The following MERTK variants were observed in gnomAD, a reference collection of about 807,000 sequenced individuals.
MERTK encodes the protein tyrosine-protein kinase Mer.
In MERTK, 69 loss-of-function variants were observed where a neutral mutation model predicts 99.3. The observed-to-expected ratio is 0.70, with a 90% CI of 0.57 to 0.85. MERTK has a LOEUF of 0.85. MERTK is among the 40% of genes least tolerant of loss of function. The pLI is 0.00. For missense variants in MERTK, 1,125 were observed against 1,249.4 expected (o/e 0.90, Z 1.50); for synonymous variants, 426 against 467.6 (o/e 0.91, Z 1.15).
intron 18 of MERTK, chr2:112,026,260 T>C (rs918282591): frequency 6.5e-6 from 1 of 152,748 alleles, no homozygotes; most frequent in African/African-American, 2.4e-5. Context: ...TTTGATAAGG[T>C]ATTGAATATT....
At chr2:111,916,880 A>G (rs1239043027) in intron 1 of MERTK, among the ~76,000 whole-genome samples, 6 of 152,086 alleles carry the variant, frequency 3.9e-5, no homozygotes, top group African/African-American at 1.2e-4. Context: ...AGGTAGGGGT[A>G]GAATTCTAGG....
At chr2:111,903,092 T>C (rs1684075818) in intron 1 of MERTK, among the ~76,000 whole-genome samples, 2 of 152,200 alleles carry the variant, frequency 1.3e-5, no homozygotes. Flanking sequence ...CCTCTTTGTT[T>C]ACTCCTTTTC....
intron 2 of MERTK, among the ~76,000 whole-genome samples, chr2:111,941,628 T>G (rs1471554557): frequency 2.6e-5 from 4 of 152,000 alleles, no homozygotes; most frequent in Admixed American, 6.6e-5. Context: ...GGACAGCCCC[T>G]CCAGTCTCCA....
At chr2:111,972,794 C>G (rs181578927) in intron 6 of MERTK, among the ~76,000 whole-genome samples, 1 of 152,290 alleles carries the variant, frequency 6.6e-6, no homozygotes, top group East Asian at 1.9e-4. Context: ...CTTTGAAATT[C>G]AAGTTTAACT....
At chr2:111,958,405 C>G (rs1685187355) in intron 4 of MERTK, among the ~76,000 whole-genome samples, 1 of 152,124 alleles carries the variant, frequency 6.6e-6, no homozygotes, top group African/African-American at 2.4e-5. Flanking sequence ...GTTGGGAAGC[C>G]AGTGCCATTA....
chr2:111,957,551 C>A (rs775373565), intron 4 of MERTK, among the ~76,000 whole-genome samples: 63 of 152,150 alleles, frequency 4.1e-4, no homozygotes, highest in Admixed American at 6.5e-4. Flanking sequence ...TAGTACTTAT[C>A]ACCTTCTAAT....
chr2:111,924,694 A>G (rs969184796), intron 1 of MERTK, among the ~76,000 whole-genome samples: 1 of 152,002 alleles, frequency 6.6e-6, no homozygotes, highest in Non-Finnish European at 1.5e-5. Context: ...GGCTCTCCAC[A>G]TTCACCTTAA....
Position 112,021,411 on chromosome 2 carries a change from G to T in MERTK, c.2190-11G>T, listed in dbSNP as rs750613749. The T allele has an allele frequency of 6.2e-7, 1 of 1,612,772 alleles. No homozygotes were observed. Among genetic ancestry groups the T allele is most frequent in the Non-Finnish European group, 8.5e-7 (1 of 1,179,858 alleles). ...TCTGACGCTGCTGAAGACGTAACCTGCTCTCTGTAGGTTGCGAGATGACAT... is the reference window on the plus strand; with the variant it reads ...TCTGACGCTGCTGAAGACGTAACCTTCTCTCTGTAGGTTGCGAGATGACAT... On this transcript the variant is annotated splice_polypyrimidine_tract_variant and intron_variant, in intron 16 of 18. Coordinates refer to ENST00000295408, the MANE Select transcript of MERTK (RefSeq NM_006343.3).
chr2:112,004,104 A>G, intron 13 of MERTK, 120 bp downstream of exon 13: 1 of 816,588 alleles, frequency 1.2e-6, no homozygotes, highest in Non-Finnish European at 2.1e-6. Flanking sequence ...AATGTGGAAC[A>G]CTGGTCACCA....
chr2:111,917,085 G>A (rs1354956214), intron 1 of MERTK, among the ~76,000 whole-genome samples: 1 of 152,188 alleles, frequency 6.6e-6, no homozygotes. Flanking sequence ...GGGGAAGGAT[G>A]GCCTCCTTTC....
intron 10 of MERTK, among the ~76,000 whole-genome samples, chr2:112,000,260 C>T (rs148578003): frequency 9.2e-5 from 14 of 152,302 alleles, no homozygotes; most frequent in African/African-American, 3.1e-4. Context: ...TAGTACAATA[C>T]ATTTGTTACA....
chr2:111,944,416 G>C (rs541418905), intron 2 of MERTK, among the ~76,000 whole-genome samples: 208 of 2,320 alleles, frequency 0.09, no homozygotes, highest in African/African-American at 0.27. Context: ...TCTAGAAAGA[G>C]AGAGAAAGAG....
At chr2:111,901,935 A>T (rs1967530) in intron 1 of MERTK, among the ~76,000 whole-genome samples, 34,990 of 152,090 alleles carry the variant, frequency 0.23, 4,337 homozygotes, top group Middle Eastern at 0.37. Flanking sequence ...TCCAGGCTAG[A>T]GTGCAATGGC....
chr2:111,955,235 A>G (rs73958408), intron 4 of MERTK, among the ~76,000 whole-genome samples: 1,868 of 152,310 alleles, frequency 0.012, 40 homozygotes, highest in African/African-American at 0.043. Context: ...TCTTGATACA[A>G]GTTTTTATTT....
At chr2:112,017,006 C>G (rs983385689) in intron 15 of MERTK, among the ~76,000 whole-genome samples, 2 of 152,282 alleles carry the variant, frequency 1.3e-5, no homozygotes, top group Admixed American at 1.3e-4. Context: ...GAGTGAGCAG[C>G]AGCAAGATTT....
chr2:111,968,149 C>T lies in MERTK; in HGVS notation c.857C>T (p.Pro286Leu), dbSNP rs1437427521. The T allele has an allele frequency of 6.2e-7, 1 of 1,613,618 alleles. No individual in the cohort carries two copies. The highest frequency in any genetic ancestry group is 8.5e-7 in the Non-Finnish European group (1 of 1,179,596). Residue 286 changes from proline (P) to leucine (L), a missense_variant, in exon 6 of 19, where the codon CCA (proline) becomes CTA (leucine). Pro to Leu is a moderately conservative substitution (Grantham distance 98). Coordinates refer to ENST00000295408, the MANE Select transcript of MERTK (RefSeq NM_006343.3). ...VQINIKAIPSPPTEVSIRNST... is the reference protein window; with the variant it reads ...VQINIKAIPSLPTEVSIRNST... Reference sequence around the variant, plus strand: ...TTGTTTTATGCAGCAATTCCCTCCCCACCAACTGAAGTCAGCATCCGTAAC... The same window carrying T: ...TTGTTTTATGCAGCAATTCCCTCCCTACCAACTGAAGTCAGCATCCGTAAC...
chr2:111,970,088 A>T (rs148827195), intron 6 of MERTK, among the ~76,000 whole-genome samples: 1 of 151,286 alleles, frequency 6.6e-6, no homozygotes, highest in African/African-American at 2.4e-5. Context: ...TGCATCTACA[A>T]TTCCTCACCA....
chr2:111,924,180 C>T (rs1224234821), intron 1 of MERTK, among the ~76,000 whole-genome samples: 1 of 152,196 alleles, frequency 6.6e-6, no homozygotes, highest in Non-Finnish European at 1.5e-5. Flanking sequence ...TTTACTAACT[C>T]ATAATAAAAT....
At chr2:111,975,207 T>A (rs1676221283) in intron 6 of MERTK, 82 bp from the exon 7 acceptor site, 1 of 1,356,718 alleles carries the variant, frequency 7.4e-7, no homozygotes, top group East Asian at 2.3e-5. Context: ...AAGGGCCACG[T>A]GCACCGAATG....
Sources: gnomAD v4.1 joint callset for allele counts (sites outside exome capture counted in the v4.1 genomes callset) on GRCh38, gnomAD v4.1.1 for gene constraint, MANE v1.5 for transcripts, NCBI Gene and HGNC (gene_info 2026-07-23, HGNC 2026-07-21) for gene names.